The following GSK3B variants were observed in gnomAD, a reference collection of about 807,000 sequenced individuals.
GSK3B encodes glycogen synthase kinase 3 beta.
GSK3B carries 15 observed loss-of-function variants against 56.4 expected under a neutral mutation model. That is an observed-to-expected ratio of 0.27 (90% CI 0.18 to 0.41). GSK3B has a LOEUF of 0.41. Ranked by LOEUF, GSK3B falls within the 10% of genes least tolerant of loss-of-function variation. The probability of loss-of-function intolerance (pLI) is 1.00; values close to 1 mark genes in which losing one functional copy is unlikely to be tolerated. For missense variants in GSK3B, 300 were observed against 513.4 expected (o/e 0.58, Z 4.02); for synonymous variants, 181 against 188.9 (o/e 0.96, Z 0.34).
intron 2 of GSK3B, among the ~76,000 whole-genome samples, chr3:119,982,932 A>T (rs1392871528): frequency 6.6e-6 from 1 of 152,210 alleles, no homozygotes; most frequent in Non-Finnish European, 1.5e-5. Flanking sequence ...GAAATGAAGG[A>T]AAAACTGTTA....
intron 10 of GSK3B, among the ~76,000 whole-genome samples, chr3:119,834,677 GA>G (rs1297683201): frequency 2.0e-5 from 3 of 151,262 alleles, no homozygotes; most frequent in African/African-American, 4.9e-5. Flanking sequence ...TAGGAATAAA[GA>G]AAAAAAAGGA....
intron 7 of GSK3B, among the ~76,000 whole-genome samples, chr3:119,885,306 TCTAA>T (rs1236677070): frequency 2.1e-5 from 3 of 141,862 alleles, no homozygotes; most frequent in Admixed American, 7.0e-5. Flanking sequence ...TAGGAATACC[TCTAA>T]CTGAGAAGGT....
intron 4 of GSK3B, among the ~76,000 whole-genome samples, chr3:119,917,381 T>G (rs1396256224): frequency 6.6e-6 from 1 of 152,172 alleles, no homozygotes; most frequent in African/African-American, 2.4e-5. Context: ...AGATAAGATC[T>G]TTTATAAGGT....
At chr3:119,937,387 C>T (rs2057006216) in intron 3 of GSK3B, among the ~76,000 whole-genome samples, 2 of 152,058 alleles carry the variant, frequency 1.3e-5, no homozygotes, top group African/African-American at 2.4e-5. Flanking sequence ...TGCTATCTGG[C>T]CACGTAACCA....
intron 10 of GSK3B, among the ~76,000 whole-genome samples, chr3:119,839,702 A>C (rs978900920): frequency 6.6e-6 from 1 of 152,186 alleles, no homozygotes; most frequent in Non-Finnish European, 1.5e-5. Context: ...AAAACAGGTT[A>C]AGTATTATTT....
intron 5 of GSK3B, 147 bp downstream of exon 5, chr3:119,915,897 A>G (rs1215423081): frequency 1.8e-6 from 1 of 556,278 alleles, no homozygotes; most frequent in African/African-American, 1.9e-5. Flanking sequence ...GAAACTAACA[A>G]AACTACTCTC....
At chr3:119,841,592 C>T (rs2055773070) in intron 10 of GSK3B, among the ~76,000 whole-genome samples, 1 of 152,130 alleles carries the variant, frequency 6.6e-6, no homozygotes. Context: ...AATTTTAAAG[C>T]AGATTTCAGC....
intron 9 of GSK3B, 120 bp downstream of exon 9, chr3:119,863,295 CACCT>C: frequency 5.3e-6 from 4 of 748,116 alleles, no homozygotes; most frequent in Middle Eastern, 4.0e-4. Context: ...ATGCTCTTTT[CACCT>C]ACCTAAGTAC....
intron 2 of GSK3B, among the ~76,000 whole-genome samples, chr3:119,956,775 A>T (rs1224680771): frequency 6.6e-6 from 1 of 152,214 alleles, no homozygotes; most frequent in Non-Finnish European, 1.5e-5. Flanking sequence ...AGCAGACAGA[A>T]GAAAAGGAAT....
At chr3:119,893,044 G>A (rs961800431) in intron 7 of GSK3B, among the ~76,000 whole-genome samples, 2 of 152,042 alleles carry the variant, frequency 1.3e-5, no homozygotes, top group Non-Finnish European at 2.9e-5. Flanking sequence ...GTCTTGCTCT[G>A]TCAGCCTGGT....
At chr3:119,948,068 A>G (rs915723939) in intron 2 of GSK3B, among the ~76,000 whole-genome samples, 2 of 152,214 alleles carry the variant, frequency 1.3e-5, no homozygotes, top group African/African-American at 4.8e-5. Flanking sequence ...GTACATTAAC[A>G]AAGAGGTTAT....
intron 1 of GSK3B, among the ~76,000 whole-genome samples, chr3:120,014,039 G>A (rs1347165996): frequency 6.6e-6 from 1 of 150,574 alleles, no homozygotes; most frequent in Non-Finnish European, 1.5e-5. Flanking sequence ...GAAGGCTGAG[G>A]CAAGAGAATT....
intron 2 of GSK3B, among the ~76,000 whole-genome samples, chr3:119,956,242 C>G (rs2057213222): frequency 6.6e-6 from 1 of 152,076 alleles, no homozygotes; most frequent in African/African-American, 2.4e-5. Flanking sequence ...CAATTTGGGA[C>G]ACATTCATTT....
chr3:120,035,552 C>T (rs2058015052), intron 1 of GSK3B, among the ~76,000 whole-genome samples: 1 of 152,216 alleles, frequency 6.6e-6, no homozygotes, highest in African/African-American at 2.4e-5. Flanking sequence ...ACCACTGGAA[C>T]TGTAGATCAA....
At chr3:119,902,492 G>A (rs1473538237) in intron 7 of GSK3B, among the ~76,000 whole-genome samples, 1 of 152,096 alleles carries the variant, frequency 6.6e-6, no homozygotes, top group Non-Finnish European at 1.5e-5. Context: ...TGCTTCCCAG[G>A]TTCAAGCAAT....
At chr3:119,844,265 G>C (rs139916972) in intron 9 of GSK3B, among the ~76,000 whole-genome samples, 171 of 151,752 alleles carry the variant, frequency 1.1e-3, no homozygotes, top group African/African-American at 4.1e-3. Flanking sequence ...ACAATTAAAA[G>C]AACCAGAGAA....
chr3:119,829,643 T>C (rs2055568075), intron 10 of GSK3B, among the ~76,000 whole-genome samples: 1 of 152,216 alleles, frequency 6.6e-6, no homozygotes, highest in South Asian at 2.1e-4. Context: ...AGATGTCCTT[T>C]CACTGACTAC....
At chr3:119,910,411 T>C (rs2056723936) in intron 6 of GSK3B, among the ~76,000 whole-genome samples, 1 of 152,198 alleles carries the variant, frequency 6.6e-6, no homozygotes, top group African/African-American at 2.4e-5. Context: ...CTGTAGTCTA[T>C]TACTTGTATA....
At chr3:119,835,930 A>C (rs2108003980) in intron 10 of GSK3B, among the ~76,000 whole-genome samples, 1 of 152,300 alleles carries the variant, frequency 6.6e-6, no homozygotes, top group Non-Finnish European at 1.5e-5. Flanking sequence ...GCATCTAATA[A>C]ACTGACAATT....
Sources: gnomAD v4.1 joint callset for allele counts (sites outside exome capture counted in the v4.1 genomes callset) on GRCh38, gnomAD v4.1.1 for gene constraint, MANE v1.5 for transcripts, NCBI Gene and HGNC (gene_info 2026-07-23, HGNC 2026-07-21) for gene names.